TMTC2: variants seen among roughly 807,000 people sequenced by gnomAD.
The protein encoded by TMTC2 is protein O-mannosyl-transferase TMTC2.
In TMTC2, 43 loss-of-function variants were observed where a neutral mutation model predicts 82.4. That is an observed-to-expected ratio of 0.52 (90% CI 0.41 to 0.67). The LOEUF is 0.67. Ranked by LOEUF, TMTC2 falls within the 30% of genes least tolerant of loss-of-function variation. The pLI, the probability that TMTC2 is intolerant of heterozygous loss-of-function variation, is 0.00. For synonymous variants in TMTC2, 408 were observed against 381.9 expected (o/e 1.07, Z -0.80); for missense variants, 919 against 1,012.4 (o/e 0.91, Z 1.25).
At chr12:82,864,548 C>T (rs1289868183) in intron 2 of TMTC2, among the ~76,000 whole-genome samples, 1 of 143,962 alleles carries the variant, frequency 6.9e-6, no homozygotes. Flanking sequence ...TGTCGCCACG[C>T]TGGAGTGCAG....
chr12:83,089,469 G>A (rs1290183299), intron 11 of TMTC2, among the ~76,000 whole-genome samples: 1 of 152,098 alleles, frequency 6.6e-6, no homozygotes, highest in Non-Finnish European at 1.5e-5. Flanking sequence ...GTTTTATGGT[G>A]TTTCAGGTGT....
chr12:83,130,020 AT>A (rs1454037373), intron 11 of TMTC2, among the ~76,000 whole-genome samples: 1 of 152,206 alleles, frequency 6.6e-6, no homozygotes, highest in Non-Finnish European at 1.5e-5. Context: ...AATAATGACT[AT>A]CCCACAGAGC....
chr12:82,969,189 C>T (rs1401368820), intron 7 of TMTC2, among the ~76,000 whole-genome samples: 1 of 152,106 alleles, frequency 6.6e-6, no homozygotes, highest in Non-Finnish European at 1.5e-5. Context: ...AGTCTGTCAG[C>T]GTGTGCTGAT....
intron 1 of TMTC2, among the ~76,000 whole-genome samples, chr12:82,757,892 A>G (rs540565772): frequency 1.1e-4 from 17 of 152,290 alleles, no homozygotes; most frequent in Admixed American, 9.8e-4. Flanking sequence ...TCAGGCAATT[A>G]TCACCATAGA....
chr12:82,847,841 A>C (rs1870771132), intron 1 of TMTC2, among the ~76,000 whole-genome samples: 1 of 152,030 alleles, frequency 6.6e-6, no homozygotes, highest in Non-Finnish European at 1.5e-5. Flanking sequence ...GAAATACCTA[A>C]TGTAAATGAG....
intron 11 of TMTC2, among the ~76,000 whole-genome samples, chr12:83,115,987 T>C (rs1884745938): frequency 1.3e-5 from 2 of 152,196 alleles, no homozygotes; most frequent in South Asian, 2.1e-4. Context: ...GGGCTTTCAA[T>C]GTGTTTGCCA....
At chr12:83,083,530 T>A (rs932528229) in intron 11 of TMTC2, among the ~76,000 whole-genome samples, 23 of 152,204 alleles carry the variant, frequency 1.5e-4, no homozygotes, top group Non-Finnish European at 4.4e-5. Flanking sequence ...CTCCCCTCTC[T>A]AGAACATGAA....
chr12:82,810,121 A>G lies in TMTC2; in HGVS notation c.84-46889A>G, dbSNP rs573280034. On this transcript the variant is annotated intron_variant, in intron 1 of 11. Transcript: ENST00000321196. Reference sequence around the variant, plus strand: ...TGGAGAGAAATTGTTCATGATTAGAATCTATACATGCTTAATGAGAGAGAA... The same window carrying G: ...TGGAGAGAAATTGTTCATGATTAGAGTCTATACATGCTTAATGAGAGAGAA... Among the ~76,000 whole-genome samples the G allele has an allele frequency of 7.7e-4, 117 of 152,048 alleles. 2 individuals are homozygous for G. Among genetic ancestry groups the G allele is most frequent in the Non-Finnish European group, 6.5e-4 (44 of 68,000 alleles).
intron 8 of TMTC2, among the ~76,000 whole-genome samples, chr12:83,006,896 A>G (rs748859478): frequency 6.6e-6 from 1 of 151,934 alleles, no homozygotes; most frequent in African/African-American, 2.4e-5. Context: ...ATAGGTGGGA[A>G]TTGAACAATG....
At chr12:82,929,692 AG>A (rs1875921082) in intron 3 of TMTC2, among the ~76,000 whole-genome samples, 1 of 152,160 alleles carries the variant, frequency 6.6e-6, no homozygotes, top group African/African-American at 2.4e-5. Flanking sequence ...TAAGAAGGCA[AG>A]AAAAGAAGCC....
intron 7 of TMTC2, among the ~76,000 whole-genome samples, chr12:82,978,887 C>T (rs988556099): frequency 3.3e-5 from 5 of 151,694 alleles, no homozygotes; most frequent in Non-Finnish European, 7.4e-5. Context: ...TATATATTTA[C>T]AATTGTTATA....
At chr12:82,795,898 A>G (rs1204904208) in intron 1 of TMTC2, among the ~76,000 whole-genome samples, 3 of 152,186 alleles carry the variant, frequency 2.0e-5, no homozygotes, top group Non-Finnish European at 2.9e-5. Context: ...AGAAGGACAA[A>G]GCAAACTAAG....
intron 1 of TMTC2, among the ~76,000 whole-genome samples, chr12:82,823,294 T>A (rs991456674): frequency 1.3e-5 from 2 of 152,240 alleles, no homozygotes; most frequent in Admixed American, 1.3e-4. Flanking sequence ...GGTCATTCAG[T>A]ATTATATCTT....
rs145358167 is a variant in TMTC2, at chr12:82,725,095, A to C, written c.83+37426A>C. On this transcript the variant is annotated intron_variant, in intron 1 of 11. Transcript: ENST00000321196. Reference sequence around the variant, plus strand: ...AATTATAAATTTGATTTTGATTAAGAGGCCTTTCTCCTTTTTCAACAGTGT... The same window carrying C: ...AATTATAAATTTGATTTTGATTAAGCGGCCTTTCTCCTTTTTCAACAGTGT... Among the ~76,000 whole-genome samples, 325 of 152,226 alleles carry C rather than the reference A, an allele frequency of 2.1e-3. 1 individual carries two copies. The highest frequency in any genetic ancestry group is 7.3e-3 in the African/African-American group (304 of 41,536).
At chr12:83,122,419 C>G (rs1473229738) in intron 11 of TMTC2, among the ~76,000 whole-genome samples, 1 of 151,948 alleles carries the variant, frequency 6.6e-6, no homozygotes, top group African/African-American at 2.4e-5. Context: ...GTGCCTCTGG[C>G]CACCCTCCTG....
intron 2 of TMTC2, among the ~76,000 whole-genome samples, chr12:82,859,103 C>T (rs927589334): frequency 2.0e-5 from 3 of 148,954 alleles, no homozygotes; most frequent in Non-Finnish European, 4.4e-5. Context: ...GAGTCTCACA[C>T]TGTCGCCAGG....
intron 7 of TMTC2, among the ~76,000 whole-genome samples, chr12:82,981,417 T>C (rs1478153882): frequency 6.6e-6 from 1 of 151,826 alleles, no homozygotes; most frequent in Non-Finnish European, 1.5e-5. Flanking sequence ...GAGAGTGACA[T>C]TATTTGTTCT....
intron 8 of TMTC2, among the ~76,000 whole-genome samples, chr12:82,997,427 T>C (rs5799606): frequency 0.017 from 1,925 of 113,342 alleles, 141 homozygotes; most frequent in African/African-American, 0.067. Flanking sequence ...TATATATATA[T>C]ACACACAGAG....
intron 1 of TMTC2, among the ~76,000 whole-genome samples, chr12:82,746,300 C>T (rs7972826): frequency 0.95 from 144,172 of 152,280 alleles, 68,742 homozygotes; most frequent in Non-Finnish European, 1. Context: ...TCTAATAAAG[C>T]ATGTCCTTTG....
Sources: allele counts gnomAD v4.1 joint callset (sites outside exome capture counted in the v4.1 genomes callset), GRCh38; gene constraint gnomAD v4.1.1; transcripts MANE v1.5; gene names NCBI Gene and HGNC (gene_info 2026-07-23, HGNC 2026-07-21).